The following GBE1 variants were observed in gnomAD, a reference collection of about 807,000 sequenced individuals.
GBE1 encodes 1,4-alpha-glucan-branching enzyme.
Under a neutral mutation model 88.8 loss-of-function variants are expected in GBE1, and 70 were observed. The observed-to-expected ratio is 0.79, with a 90% CI of 0.65 to 0.96. The LOEUF (loss-of-function observed/expected upper bound fraction) is 0.96, where lower values mean the gene tolerates loss of function less well. Among genes scored for constraint, GBE1 ranks in the 40% least tolerant of loss-of-function variants. GBE1 has a pLI of 0.00. For synonymous variants in GBE1, 284 were observed against 300.1 expected, an observed-to-expected ratio of 0.95 and a Z score of 0.56; for missense variants, 872 against 871.0, an observed-to-expected ratio of 1.00 and a Z score of -0.01.
intron 14 of GBE1, among the ~76,000 whole-genome samples, chr3:81,517,372 G>A (rs1702810661): frequency 6.6e-6 from 1 of 151,236 alleles, no homozygotes; most frequent in South Asian, 2.1e-4. Flanking sequence ...ACACTTATTA[G>A]ACTACAGTAT....
chr3:81,653,284 G>A (rs1347344419), intron 3 of GBE1, among the ~76,000 whole-genome samples: 1 of 151,930 alleles, frequency 6.6e-6, no homozygotes, highest in African/African-American at 2.4e-5. Flanking sequence ...GGCAACATAA[G>A]GAGACCTGGT....
rs186542020 is a variant in GBE1, at chr3:81,645,961, C to A, written c.782+431G>T. On this transcript the variant is annotated intron_variant, in intron 6 of 15. Transcript: ENST00000429644. The stretch of plus-strand genomic sequence containing the variant: ...TCTTTTCTGTCCAGAGAGAATTATT[C>A]CATCCATTTCAGTCTGGAGGGAAGG... 5.0e-3 allele frequency among the ~76,000 whole-genome samples: 766 copies of A among 152,236 alleles called. 6 individuals carry two copies. The highest frequency in any genetic ancestry group is 0.027 in the South Asian group (132 of 4,826).
intron 1 of GBE1, among the ~76,000 whole-genome samples, chr3:81,719,813 T>C (rs893436417): frequency 1.1e-4 from 16 of 152,142 alleles, no homozygotes; most frequent in African/African-American, 3.1e-4. Context: ...CACTAATTTT[T>C]TTACCTAAAA....
intron 12 of GBE1, among the ~76,000 whole-genome samples, chr3:81,543,970 A>G (rs938059232): frequency 6.6e-6 from 1 of 152,168 alleles, no homozygotes; most frequent in Non-Finnish European, 1.5e-5. Flanking sequence ...CTTGGGGCTC[A>G]TGCATTTCTA....
intron 12 of GBE1, among the ~76,000 whole-genome samples, chr3:81,544,308 A>G (rs1316148424): frequency 6.6e-6 from 1 of 152,178 alleles, no homozygotes; most frequent in African/African-American, 2.4e-5. Context: ...AGTTAAGAAC[A>G]ATAGTTCTGA....
chr3:81,496,151 T>C (rs924024306), intron 15 of GBE1, among the ~76,000 whole-genome samples: 3 of 152,230 alleles, frequency 2.0e-5, no homozygotes, highest in African/African-American at 4.8e-5. Context: ...GAAATGATTA[T>C]GCTAAAATGG....
chr3:81,702,094 A>T, intron 2 of GBE1, among the ~76,000 whole-genome samples: 1 of 32,078 alleles, frequency 3.1e-5, no homozygotes, highest in Admixed American at 4.0e-4. Context: ...AGAGAGAGAG[A>T]GAGAGAGAGT....
chr3:81,709,713 A>C (rs1705829565), intron 1 of GBE1, among the ~76,000 whole-genome samples: 1 of 152,186 alleles, frequency 6.6e-6, no homozygotes, highest in Non-Finnish European at 1.5e-5. Context: ...TTATAGCATT[A>C]TATTACTTTA....
chr3:81,748,835 C>T (rs1706455463), intron 1 of GBE1, among the ~76,000 whole-genome samples: 1 of 151,342 alleles, frequency 6.6e-6, no homozygotes, highest in African/African-American at 2.4e-5. Flanking sequence ...GGTGAAACCC[C>T]GTCTCTACTA....
intron 7 of GBE1, among the ~76,000 whole-genome samples, chr3:81,617,852 T>C (rs1253418122): frequency 6.6e-6 from 1 of 152,000 alleles, no homozygotes; most frequent in Non-Finnish European, 1.5e-5. Context: ...TACATGTAGG[T>C]TTTCCTATGT....
At chr3:81,584,375 TTG>T (rs903342928) in intron 10 of GBE1, among the ~76,000 whole-genome samples, 19 of 152,226 alleles carry the variant, frequency 1.2e-4, no homozygotes, top group African/African-American at 4.1e-4. Flanking sequence ...TTAATAACTC[TTG>T]TGTGTTTTAT....
chr3:81,578,100 C>T lies in GBE1; in HGVS notation c.1447-4G>A, dbSNP rs534847659. 6.4e-7 allele frequency: 1 copy of T among 1,574,378 alleles called. No homozygotes were observed. The highest frequency in any genetic ancestry group is 1.2e-5 in the South Asian group (1 of 84,086). ...GCGACTTATCCCCAACCAATGCCTACAGAAATAAAAGTAATGGAGATAAAT... is the reference window on the plus strand; with the variant it reads ...GCGACTTATCCCCAACCAATGCCTATAGAAATAAAAGTAATGGAGATAAAT... On this transcript the variant is annotated splice_polypyrimidine_tract_variant and splice_region_variant and intron_variant, in intron 11 of 15. Coordinates refer to ENST00000429644, the MANE Select transcript of GBE1 (RefSeq NM_000158.4).
chr3:81,714,236 A>G (rs1170419708), intron 1 of GBE1, among the ~76,000 whole-genome samples: 1 of 152,170 alleles, frequency 6.6e-6, no homozygotes, highest in Admixed American at 6.6e-5. Flanking sequence ...GTGAGCACCA[A>G]TTATCCATCA....
At chr3:81,668,899 T>C (rs1424056190) in intron 3 of GBE1, among the ~76,000 whole-genome samples, 3 of 152,232 alleles carry the variant, frequency 2.0e-5, no homozygotes, top group African/African-American at 7.2e-5. Context: ...CTTAGGCTTA[T>C]TGGAGCAGAT....
chr3:81,579,562 T>A (rs1486219305), intron 11 of GBE1, among the ~76,000 whole-genome samples: 1 of 152,192 alleles, frequency 6.6e-6, no homozygotes, highest in African/African-American at 2.4e-5. Flanking sequence ...GGGAATTCAC[T>A]ATGTGCTGCA....
At chr3:81,522,629 T>C (rs1702891529) in intron 14 of GBE1, among the ~76,000 whole-genome samples, 1 of 151,558 alleles carries the variant, frequency 6.6e-6, no homozygotes, top group African/African-American at 2.4e-5. Flanking sequence ...CAATACTTTG[T>C]GAGTATTCAA....
rs570445717 is a variant in GBE1 at position 81,612,408 on chromosome 3, T to C, written c.993-18385A>G. 8.9e-5 allele frequency: 77 copies of C among 865,660 alleles called. 1 individual carries two copies. In the East Asian group the frequency reaches 2.4e-3, roughly 27 times the overall value. 53.6% of individuals were successfully genotyped at this position (865,660 alleles called of 1,614,324 possible). On this transcript the variant is annotated intron_variant, in intron 7 of 15. Coordinates refer to ENST00000429644, the MANE Select transcript of GBE1 (RefSeq NM_000158.4). ...GGATGAAATTCTTTGGGAATAATTTTATTTTCAAAGTAAGGATTTTCATCA... is the reference window on the plus strand; with the variant it reads ...GGATGAAATTCTTTGGGAATAATTTCATTTTCAAAGTAAGGATTTTCATCA...
chr3:81,576,518 A>G lies in GBE1; in HGVS notation c.1618+1407T>C, dbSNP rs546943820. On this transcript the variant is annotated intron_variant, in intron 12 of 15. Transcript: ENST00000429644. ...TTATTTGCATAGGTTCATACAGTTTACTTATTCATCAGGATATAGTTACAT... is the reference window on the plus strand; with the variant it reads ...TTATTTGCATAGGTTCATACAGTTTGCTTATTCATCAGGATATAGTTACAT... Among the ~76,000 whole-genome samples, 5 of 152,282 alleles carry G rather than the reference A, an allele frequency of 3.3e-5. 1 individual carries two copies. The South Asian group carries it at 6.2e-4, about 19-fold the overall frequency.
intron 1 of GBE1, among the ~76,000 whole-genome samples, chr3:81,711,975 T>C (rs1705874780): frequency 6.6e-6 from 1 of 151,944 alleles, no homozygotes; most frequent in African/African-American, 2.4e-5. Context: ...AACAACCCCA[T>C]CAAGAAGTGG....
Sources: gnomAD v4.1 joint callset for allele counts (sites outside exome capture counted in the v4.1 genomes callset) on GRCh38, gnomAD v4.1.1 for gene constraint, MANE v1.5 for transcripts, NCBI Gene and HGNC (gene_info 2026-07-23, HGNC 2026-07-21) for gene names.